CTXND2: variants seen among roughly 807,000 people sequenced by gnomAD.
The protein encoded by CTXND2 is cortexin domain containing 2.
At chr1:150,905,996 A>G (rs1230507515) in intron 1 of CTXND2, among the ~76,000 whole-genome samples, 1 of 151,446 alleles carries the variant, frequency 6.6e-6, no homozygotes. Context: ...TCTCAAAAAA[A>G]AAAGAAGGAT....
chr1:150,900,127 T>C (rs1668981083), intron 1 of CTXND2, among the ~76,000 whole-genome samples: 1 of 152,040 alleles, frequency 6.6e-6, no homozygotes, highest in South Asian at 2.1e-4. Flanking sequence ...GAGGCTGTAT[T>C]CTTTTGCTCT....
At chr1:150,911,632 C>T (rs1361778915) in intron 1 of CTXND2, among the ~76,000 whole-genome samples, 1 of 151,184 alleles carries the variant, frequency 6.6e-6, no homozygotes, top group Non-Finnish European at 1.5e-5. Context: ...GGGGTTTCAC[C>T]ATGTTGTCCA....
chr1:150,902,184 A>G (rs1224859719), intron 1 of CTXND2, among the ~76,000 whole-genome samples: 1 of 151,764 alleles, frequency 6.6e-6, no homozygotes, highest in Non-Finnish European at 1.5e-5. Flanking sequence ...GGCAGATCAC[A>G]AGGTCAGGAT....
intron 1 of CTXND2, among the ~76,000 whole-genome samples, chr1:150,903,669 G>T (rs1669082416): frequency 6.6e-6 from 1 of 151,412 alleles, no homozygotes; most frequent in Non-Finnish European, 1.5e-5. Context: ...ATGGTGGTGG[G>T]CGCCTGTAAT....
chr1:150,903,367 C>T (rs1428244485), intron 1 of CTXND2, among the ~76,000 whole-genome samples: 1 of 152,112 alleles, frequency 6.6e-6, no homozygotes, highest in Non-Finnish European at 1.5e-5. Flanking sequence ...AGGCCAACAG[C>T]CTTTCCCTGC....
At chr1:150,900,429 G>GT (rs1372945090) in intron 1 of CTXND2, among the ~76,000 whole-genome samples, 2 of 152,192 alleles carry the variant, frequency 1.3e-5, no homozygotes, top group African/African-American at 4.8e-5. Context: ...TTTAAGAACT[G>GT]TAACACTCAC....
chr1:150,911,178 C>T (rs1326456019), intron 1 of CTXND2, among the ~76,000 whole-genome samples: 5 of 149,250 alleles, frequency 3.4e-5, no homozygotes, highest in Non-Finnish European at 7.4e-5. Context: ...GAACTCCTGA[C>T]CTCAAGTGAT....
intron 1 of CTXND2, among the ~76,000 whole-genome samples, chr1:150,898,599 T>C (rs1668943680): frequency 6.7e-6 from 1 of 149,600 alleles, no homozygotes; most frequent in South Asian, 2.1e-4. Context: ...CTACTAAAAA[T>C]ACAAAAATTA....
At chr1:150,906,796 G>A (rs1013314694) in intron 1 of CTXND2, among the ~76,000 whole-genome samples, 1 of 152,182 alleles carries the variant, frequency 6.6e-6, no homozygotes, top group Non-Finnish European at 1.5e-5. Flanking sequence ...GGAGCAGTGG[G>A]AGGTGCCAGG....
intron 1 of CTXND2, among the ~76,000 whole-genome samples, chr1:150,909,956 G>C (rs900086157): frequency 5.9e-5 from 9 of 152,104 alleles, no homozygotes; most frequent in Admixed American, 2.0e-4. Context: ...CCAATGAGGG[G>C]TCTTGCACTT....
At chr1:150,893,917 A>T (rs1478777930) in intron 1 of CTXND2, among the ~76,000 whole-genome samples, 1 of 152,004 alleles carries the variant, frequency 6.6e-6, no homozygotes, top group Non-Finnish European at 1.5e-5. Flanking sequence ...GGGTTAAAGG[A>T]GCTCCTTTCT....
chr1:150,895,423 A>AACCT (rs1324267588), intron 1 of CTXND2, among the ~76,000 whole-genome samples: 1 of 151,648 alleles, frequency 6.6e-6, no homozygotes, highest in Non-Finnish European at 1.5e-5. Flanking sequence ...AGCTCACTGC[A>AACCT]ACCTCCACCT....
rs942787591 is a variant in CTXND2 at position 150,889,205 on chromosome 1, C to A, written c.-74+1892C>A. Among the ~76,000 whole-genome samples, 4 of 151,880 alleles carry A rather than the reference C, an allele frequency of 2.6e-5. 1 individual carries two copies. Among genetic ancestry groups the A allele is most frequent in the Non-Finnish European group, 4.4e-5 (3 of 67,928 alleles). ...CGGGCGGATCACGAGGTCAGGAGATCGAGACCATCCTGGCTAACAGGATGA... is the reference window on the plus strand; with the variant it reads ...CGGGCGGATCACGAGGTCAGGAGATAGAGACCATCCTGGCTAACAGGATGA... On this transcript the variant is annotated intron_variant, in intron 1 of 1. Transcript: ENST00000636087.
chr1:150,899,101 TAAATA>T (rs1210163363), intron 1 of CTXND2, among the ~76,000 whole-genome samples: 1 of 78,228 alleles, frequency 1.3e-5, no homozygotes, highest in Non-Finnish European at 2.4e-5. Flanking sequence ...CCGTCTCAAA[TAAATA>T]AATAAATAAA....
intron 1 of CTXND2, among the ~76,000 whole-genome samples, chr1:150,903,686 T>G (rs1669082847): frequency 6.6e-6 from 1 of 151,316 alleles, no homozygotes; most frequent in African/African-American, 2.4e-5. Context: ...TAATCCCAGC[T>G]GCTCGGGAGG....
chr1:150,899,636 T>C (rs1044268854), intron 1 of CTXND2, among the ~76,000 whole-genome samples: 2 of 152,170 alleles, frequency 1.3e-5, no homozygotes, highest in African/African-American at 2.4e-5. Flanking sequence ...AAAAATTTTT[T>C]GCATGACAAA....
intron 1 of CTXND2, among the ~76,000 whole-genome samples, chr1:150,890,371 G>A (rs1408672448): frequency 6.6e-6 from 1 of 151,954 alleles, no homozygotes; most frequent in East Asian, 1.9e-4. Context: ...TTCTGAAATA[G>A]ATAGACAGCC....
intron 1 of CTXND2, among the ~76,000 whole-genome samples, chr1:150,905,051 CAAA>C (rs1311954610): frequency 1.9e-5 from 2 of 105,262 alleles, no homozygotes; most frequent in Non-Finnish European, 3.7e-5. Context: ...ACAAGATAAT[CAAA>C]AAGAAAACCA....
intron 1 of CTXND2, chr1:150,904,149 G>A (rs587665146): frequency 2.0e-5 from 13 of 650,504 alleles, no homozygotes; most frequent in Non-Finnish European, 3.5e-5. Flanking sequence ...ATCTTTGCCG[G>A]CATTAAAAAG....
Sources: gnomAD v4.1 joint callset for allele counts (sites outside exome capture counted in the v4.1 genomes callset) on GRCh38, gnomAD v4.1.1 for gene constraint, MANE v1.5 for transcripts, NCBI Gene and HGNC (gene_info 2026-07-23, HGNC 2026-07-21) for gene names.